The following CSTF3 variants were observed in gnomAD, a reference collection of about 807,000 sequenced individuals.
CSTF3 encodes the protein CF-1 77 kDa subunit.
Under a neutral mutation model 105.8 loss-of-function variants are expected in CSTF3, and 29 were observed. The observed-to-expected ratio is 0.27, with a 90% CI of 0.20 to 0.37. CSTF3 has a LOEUF of 0.37. Among genes scored for constraint, CSTF3 ranks in the 10% least tolerant of loss-of-function variants. CSTF3 has a pLI of 1.00. For synonymous variants in CSTF3, 252 were observed against 281.9 expected, an observed-to-expected ratio of 0.89 and a Z score of 1.06; for missense variants, 357 against 879.3, an observed-to-expected ratio of 0.41 and a Z score of 7.51.
chr11:33,129,185 G>C lies in CSTF3; in HGVS notation c.225+12482C>G, dbSNP rs868415436. On this transcript the variant is annotated intron_variant, in intron 3 of 20. Coordinates refer to ENST00000323959, the MANE Select transcript of CSTF3 (RefSeq NM_001326.3). ...TGGCTCACTGCAACCTCCGCCTCCA[G>C]GGCTCAAGTAATTCTCCTGCCTCAG... Among the ~76,000 whole-genome samples, 15 of 152,248 alleles carry C rather than the reference G, an allele frequency of 9.9e-5. No individual in the cohort carries two copies. In the South Asian group the frequency reaches 3.1e-3, roughly 32 times the overall value.
Position 33,085,191 on chromosome 11 carries a change from C to T in CSTF3, c.2050G>A (p.Val684Ile), listed in dbSNP as rs751491565. ...TCTGAATCCTCGTTGGGCCTTTTGACGGCCTTGGTGAGTACTGCATTACTT... is the reference window on the plus strand; with the variant it reads ...TCTGAATCCTCGTTGGGCCTTTTGATGGCCTTGGTGAGTACTGCATTACTT... ...VESNAVLTKA[V>I]KRPNEDSDED... The change falls in exon 21 of 21, where the codon GTC becomes ATC. Residue 684 changes from valine (V) to isoleucine (I), a missense_variant. By Grantham distance (29) the Val-to-Ile change is conservative (BLOSUM62 3). Transcript: ENST00000323959. 2.8e-5 allele frequency: 46 copies of T among 1,614,070 alleles called. No homozygotes were observed. The highest frequency in any genetic ancestry group is 4.0e-5 in the African/African-American group (3 of 75,044).
intron 16 of CSTF3, 24 bp downstream of exon 16, chr11:33,092,247 C>G (rs764501503): frequency 3.9e-5 from 60 of 1,552,832 alleles, no homozygotes; most frequent in Middle Eastern, 1.7e-4. Context: ...AGAACCTGAT[C>G]AACAACTTTT....
rs768222347 is a variant in CSTF3, at chr11:33,084,937, GT to G, written c.*149del. 3 of 845,672 alleles carry G rather than the reference GT, an allele frequency of 3.5e-6. No homozygotes were observed. The highest frequency in any genetic ancestry group is 2.6e-5 in the East Asian group (1 of 37,974). The allele number at this position is 845,672 out of a possible 1,614,324, so 52.4% of individuals were successfully genotyped here. On this transcript the variant is annotated 3_prime_UTR_variant, in exon 21 of 21. Transcript: ENST00000323959. ...TTCTAAAATTCACACAGGTTGGTTT[GT>G]TTTTTCTCAAGAACCATGTGATAGA...
In CSTF3 at chr11:33,115,962, T is replaced by C. The variant is rs375430565; in HGVS notation, c.226-7544A>G. Among the ~76,000 whole-genome samples the C allele has an allele frequency of 2.6e-5, 4 of 152,146 alleles. No homozygotes were observed. The East Asian group carries it at 5.8e-4, about 22-fold the overall frequency. On this transcript the variant is annotated intron_variant, in intron 3 of 20. Coordinates refer to ENST00000323959, the MANE Select transcript of CSTF3 (RefSeq NM_001326.3). ...CATACAAATGTATACCTATAATATATACTGATTTAGATATAACAGGTTGGC... is the reference window on the plus strand; with the variant it reads ...CATACAAATGTATACCTATAATATACACTGATTTAGATATAACAGGTTGGC...
intron 3 of CSTF3, among the ~76,000 whole-genome samples, chr11:33,117,727 A>G (rs1452165276): frequency 6.6e-6 from 1 of 151,938 alleles, no homozygotes; most frequent in Non-Finnish European, 1.5e-5. Context: ...CTATATTACC[A>G]AAAGGTAGAA....
intron 8 of CSTF3, among the ~76,000 whole-genome samples, chr11:33,104,453 A>G (rs1261233883): frequency 6.6e-6 from 1 of 152,212 alleles, no homozygotes; most frequent in Non-Finnish European, 1.5e-5. Context: ...TCTTCTCACT[A>G]CACACTACAT....
intron 1 of CSTF3, among the ~76,000 whole-genome samples, chr11:33,159,521 G>A (rs1376968214): frequency 1.3e-5 from 2 of 148,628 alleles, no homozygotes; most frequent in Admixed American, 6.7e-5. Flanking sequence ...CGCTTGAACC[G>A]GGAGGCGGAG....
chr11:33,094,904 T>C (rs1270216813), intron 15 of CSTF3, among the ~76,000 whole-genome samples: 1 of 151,992 alleles, frequency 6.6e-6, no homozygotes, highest in Admixed American at 6.6e-5. Context: ...ACTTTATTAT[T>C]ATTATTTTTT....
intron 5 of CSTF3, 33 bp from the exon 6 acceptor site, chr11:33,106,097 T>C (rs770357598): frequency 6.4e-7 from 1 of 1,559,024 alleles, no homozygotes; most frequent in South Asian, 1.1e-5. Context: ...GGTTTTTAAA[T>C]TTTTTTGTTA....
intron 3 of CSTF3, among the ~76,000 whole-genome samples, chr11:33,119,261 T>C (rs1855463496): frequency 6.6e-6 from 1 of 151,840 alleles, no homozygotes; most frequent in African/African-American, 2.4e-5. Context: ...ATCAAGACAA[T>C]CTTTCCCATT....
Position 33,098,788 on chromosome 11 carries a change from G to C in CSTF3, c.1054-24C>G, listed in dbSNP as rs1169949767. On this transcript the variant is annotated intron_variant, in intron 12 of 20. Transcript: ENST00000323959. ...CTCTAAGGTGGTACAGAAGAAGTGA[G>C]TATCAACATATGGTCATAAATAAGC... 4 of 1,446,472 alleles carry C rather than the reference G, an allele frequency of 2.8e-6. No homozygotes were observed. The African/African-American group carries it at 5.8e-5, about 21-fold the overall frequency. The allele number at this position is 1,446,472 out of a possible 1,614,324, so 89.6% of individuals were successfully genotyped here. A position where few individuals can be genotyped will look rare whatever the true frequency, so the allele number is the denominator to read the frequency against.
At chr11:33,146,437 C>T (rs1442048006) in intron 1 of CSTF3, among the ~76,000 whole-genome samples, 1 of 151,884 alleles carries the variant, frequency 6.6e-6, no homozygotes, top group Non-Finnish European at 1.5e-5. Context: ...CCTATAGTCC[C>T]AGCTACTCAA....
chr11:33,098,785 T>C lies in CSTF3; in HGVS notation c.1054-21A>G, dbSNP rs766667198. The C allele has an allele frequency of 2.0e-5, 30 of 1,465,148 alleles. No individual in the cohort carries two copies. The Admixed American group carries it at 7.5e-4, about 37-fold the overall frequency. 90.8% of individuals were successfully genotyped at this position (1,465,148 alleles called of 1,614,324 possible). ...CGACTCTAAGGTGGTACAGAAGAAG[T>C]GAGTATCAACATATGGTCATAAATA... is the stretch of plus-strand genomic sequence containing the variant. On this transcript the variant is annotated intron_variant, in intron 12 of 20. Coordinates refer to ENST00000323959, the MANE Select transcript of CSTF3 (RefSeq NM_001326.3).
At chr11:33,157,111 G>A (rs1849876602) in intron 1 of CSTF3, among the ~76,000 whole-genome samples, 1 of 152,052 alleles carries the variant, frequency 6.6e-6, no homozygotes, top group African/African-American at 2.4e-5. Context: ...CCAGCACTTT[G>A]GGAGGCTGAG....
intron 1 of CSTF3, among the ~76,000 whole-genome samples, chr11:33,148,776 G>A (rs1855818325): frequency 6.6e-6 from 1 of 151,560 alleles, no homozygotes. Flanking sequence ...AAACCTATGA[G>A]CCTTTTCTCA....
chr11:33,122,502 G>A (rs1267924913), intron 3 of CSTF3, among the ~76,000 whole-genome samples: 1 of 151,980 alleles, frequency 6.6e-6, no homozygotes, highest in Admixed American at 6.6e-5. Flanking sequence ...ATGTTGAGAT[G>A]CAACATAAAA....
intron 1 of CSTF3, among the ~76,000 whole-genome samples, chr11:33,153,398 T>G (rs914506828): frequency 1.9e-4 from 29 of 152,160 alleles, no homozygotes; most frequent in African/African-American, 6.8e-4. Context: ...CTATATGAGC[T>G]CATAACTTTT....
chr11:33,088,639 G>T (rs1855132941), intron 17 of CSTF3, among the ~76,000 whole-genome samples: 1 of 151,630 alleles, frequency 6.6e-6, no homozygotes, highest in Admixed American at 6.6e-5. Flanking sequence ...TTAAGACAGG[G>T]TCTCACTCTG....
chr11:33,151,687 A>G (rs959793454), intron 1 of CSTF3, among the ~76,000 whole-genome samples: 2 of 152,062 alleles, frequency 1.3e-5, no homozygotes, highest in Admixed American at 6.6e-5. Context: ...TGTGGAGTTC[A>G]TTTTGTGTGT....
Sources: gnomAD v4.1 joint callset for allele counts (sites outside exome capture counted in the v4.1 genomes callset) on GRCh38, gnomAD v4.1.1 for gene constraint, MANE v1.5 for transcripts, NCBI Gene and HGNC (gene_info 2026-07-23, HGNC 2026-07-21) for gene names.